HNF1B: variants seen among roughly 807,000 people sequenced by gnomAD.
HNF1B encodes the protein HNF1 homeobox B.
A neutral mutation model predicts 61.7 loss-of-function variants in HNF1B; 8 were observed. The observed-to-expected ratio is 0.13, with a 90% confidence interval of 0.08 to 0.23. The LOEUF (loss-of-function observed/expected upper bound fraction) is 0.23. HNF1B is among the 10% of genes least tolerant of loss of function. The pLI is 1.00. For missense variants in HNF1B, 562 were observed against 714.5 expected (o/e 0.79, Z 2.43); for synonymous variants, 314 against 287.7 (o/e 1.09, Z -0.93).
At chr17:37,724,901 TGC>T (rs1271438242) in intron 4 of HNF1B, among the ~76,000 whole-genome samples, 11 of 59,578 alleles carry the variant, frequency 1.8e-4, no homozygotes, top group South Asian at 1.1e-3. Flanking sequence ...TCTATATGTA[TGC>T]GTGTGTGTGT....
chr17:37,701,355 C>G (rs1242401513), intron 6 of HNF1B, among the ~76,000 whole-genome samples, 178 bp from the exon 7 acceptor site: 1 of 152,194 alleles, frequency 6.6e-6, no homozygotes, highest in Admixed American at 6.5e-5. Flanking sequence ...TTTACTTGCT[C>G]AAGTTCCACA....
At chr17:37,716,596 G>A (rs1356447452) in intron 4 of HNF1B, among the ~76,000 whole-genome samples, 2 of 152,184 alleles carry the variant, frequency 1.3e-5, no homozygotes, top group Non-Finnish European at 2.9e-5. Context: ...GCATATGTCA[G>A]GTTATATAGA....
intron 1 of HNF1B, among the ~76,000 whole-genome samples, chr17:37,742,921 C>A (rs567730564): frequency 3.2e-4 from 48 of 151,912 alleles, no homozygotes; most frequent in Non-Finnish European, 5.7e-4. Context: ...CTCCTTCCCC[C>A]CTCTAAGCCG....
intron 4 of HNF1B, among the ~76,000 whole-genome samples, chr17:37,719,710 A>G (rs1290184548): frequency 6.6e-6 from 1 of 152,264 alleles, no homozygotes; most frequent in Non-Finnish European, 1.5e-5. Context: ...TAAAGCCATC[A>G]GCAGACTGAG....
rs951474914 is a variant in HNF1B at position 37,744,594 on chromosome 17, C to T, written c.291G>A (p.Ala97=). The T allele has an allele frequency of 1.2e-6, 2 of 1,608,304 alleles. No individual in the cohort carries two copies. The highest frequency in any genetic ancestry group is 2.2e-5 in the East Asian group (1 of 44,874). The part of the protein sequence containing the change: ...DTPPILKELQ[A]LNTEEAAEQR... ...GCTCCGCCGCCTCCTCGGTGTTGAG[C>T]GCCTGCAGCTCCTTGAGGATGGGAG... Residue 97 remains alanine, a synonymous_variant, in exon 1 of 9, where the codon GCG becomes GCA. Coordinates refer to ENST00000617811, the MANE Select transcript of HNF1B (RefSeq NM_000458.4).
chr17:37,702,418 T>TG (rs916001138), intron 6 of HNF1B, among the ~76,000 whole-genome samples: 1 of 152,092 alleles, frequency 6.6e-6, no homozygotes, highest in African/African-American at 2.4e-5. Context: ...GGGTGGGGGC[T>TG]GGGGGTGCCA....
At chr17:37,690,336 G>A (rs1486217846) in intron 8 of HNF1B, among the ~76,000 whole-genome samples, 1 of 152,178 alleles carries the variant, frequency 6.6e-6, no homozygotes, top group Non-Finnish European at 1.5e-5. Flanking sequence ...ACTGGCAGGG[G>A]CATAATCACA....
At chr17:37,708,235 GA>G (rs1255958936) in intron 5 of HNF1B, among the ~76,000 whole-genome samples, 1 of 152,180 alleles carries the variant, frequency 6.6e-6, no homozygotes, top group African/African-American at 2.4e-5. Flanking sequence ...ATATTAACAA[GA>G]AAACAGACTC....
intron 2 of HNF1B, among the ~76,000 whole-genome samples, chr17:37,734,573 C>T (rs761560326): frequency 2.6e-5 from 4 of 152,136 alleles, no homozygotes; most frequent in Non-Finnish European, 5.9e-5. Flanking sequence ...GAGGTGATGC[C>T]TTAGCCCACA....
At chr17:37,740,499 G>T (rs934830603) in intron 1 of HNF1B, among the ~76,000 whole-genome samples, 1 of 152,180 alleles carries the variant, frequency 6.6e-6, no homozygotes, top group Admixed American at 6.5e-5. Flanking sequence ...AAATGTATGT[G>T]TTCACCTTCT....
chr17:37,744,098 G>A (rs555830709), intron 1 of HNF1B, among the ~76,000 whole-genome samples: 1 of 152,378 alleles, frequency 6.6e-6, no homozygotes, highest in African/African-American at 2.4e-5. Flanking sequence ...ATGTGTCCGA[G>A]GCCGACATGC....
intron 8 of HNF1B, among the ~76,000 whole-genome samples, chr17:37,694,226 G>A (rs957823403): frequency 1.8e-4 from 28 of 152,066 alleles, no homozygotes; most frequent in Admixed American, 1.6e-3. Flanking sequence ...TCAGGAGTTC[G>A]AGACCAGCCT....
chr17:37,708,442 C>T (rs2147467421), intron 5 of HNF1B, among the ~76,000 whole-genome samples: 1 of 152,320 alleles, frequency 6.6e-6, no homozygotes, highest in East Asian at 1.9e-4. Flanking sequence ...AAAGCGTGTC[C>T]ACAGGCTGCA....
At position 37,710,683 on chromosome 17, in the gene HNF1B, C is replaced by T; in HGVS notation, c.1046-20G>A. 6.2e-7 allele frequency: 1 copy of T among 1,609,130 alleles called. No individual in the cohort carries two copies. The highest frequency in any genetic ancestry group is 8.5e-7 in the Non-Finnish European group (1 of 1,177,038). The stretch of plus-strand genomic sequence containing the variant: ...GCACTCCTGCAAAACAACACAAACC[C>T]AGTAGGGAACATTAGTGCCACCAGG... On this transcript the variant is annotated intron_variant, in intron 4 of 8. Transcript: ENST00000617811.
At chr17:37,724,853 C>CT (rs1454144369) in intron 4 of HNF1B, among the ~76,000 whole-genome samples, 1 of 151,636 alleles carries the variant, frequency 6.6e-6, no homozygotes, top group Non-Finnish European at 1.5e-5. Context: ...ATTGATCTGA[C>CT]TTTATTTGTG....
At chr17:37,694,532 C>A (rs1471948556) in intron 8 of HNF1B, among the ~76,000 whole-genome samples, 1 of 147,694 alleles carries the variant, frequency 6.8e-6, no homozygotes, top group Non-Finnish European at 1.5e-5. Flanking sequence ...TTTGGAGGAA[C>A]AGAAGAAGAC....
chr17:37,743,388 G>A (rs1375071829), intron 1 of HNF1B, among the ~76,000 whole-genome samples: 2 of 152,358 alleles, frequency 1.3e-5, no homozygotes, highest in African/African-American at 4.8e-5. Flanking sequence ...GAGCGACGAG[G>A]GAAGAACCTC....
Position 37,687,354 on chromosome 17 carries a change from G to A in HNF1B, c.*18C>T. On this transcript the variant is annotated 3_prime_UTR_variant, in exon 9 of 9. Transcript: ENST00000617811. ...CAGGGTCCTTGTTGTTGCGCACGAAGTAAGTGGTGTGTGGGCATCACCAGG... is the reference window on the plus strand; with the variant it reads ...CAGGGTCCTTGTTGTTGCGCACGAAATAAGTGGTGTGTGGGCATCACCAGG... 2 of 1,613,998 alleles carry A rather than the reference G, an allele frequency of 1.2e-6. No homozygotes were observed. Among genetic ancestry groups the A allele is most frequent in the East Asian group, 4.5e-5 (2 of 44,886 alleles).
intron 4 of HNF1B, among the ~76,000 whole-genome samples, chr17:37,719,113 ATATTAT>A (rs146723727): frequency 4.7e-5 from 7 of 149,768 alleles, no homozygotes; most frequent in African/African-American, 9.9e-5. Flanking sequence ...TAATTTATTA[ATATTAT>A]TATTATTATT....
Sources: allele counts gnomAD v4.1 joint callset (sites outside exome capture counted in the v4.1 genomes callset), GRCh38; gene constraint gnomAD v4.1.1; transcripts MANE v1.5; gene names NCBI Gene and HGNC (gene_info 2026-07-23, HGNC 2026-07-21).